The following CDK12 variants were observed in gnomAD, a reference collection of about 807,000 sequenced individuals.
CDK12 encodes the protein cyclin dependent kinase 12, also known as cyclin-dependent kinase 12.
Under a neutral mutation model 133.8 loss-of-function variants are expected in CDK12, and 17 were observed. The ratio of observed to expected loss-of-function variants is 0.13; its 90% confidence interval spans 0.09 to 0.19. CDK12 has a LOEUF of 0.19. Among genes scored for constraint, CDK12 ranks in the 10% least tolerant of loss-of-function variants. CDK12 has a pLI of 1.00. For synonymous variants in CDK12, 694 were observed against 683.6 expected (o/e 1.02, Z -0.24); for missense variants, 1,508 against 1,818.7 (o/e 0.83, Z 3.11).
At chr17:39,505,430 C>A (rs1316553957) in intron 6 of CDK12, among the ~76,000 whole-genome samples, 21 of 143,042 alleles carry the variant, frequency 1.5e-4, no homozygotes, top group Non-Finnish European at 2.7e-4. Context: ...GAGGTTGAGG[C>A]AGGAGAATCA....
intron 2 of CDK12, among the ~76,000 whole-genome samples, chr17:39,473,184 TCA>T (rs2049932116): frequency 6.6e-6 from 1 of 152,050 alleles, no homozygotes; most frequent in Admixed American, 6.6e-5. Flanking sequence ...TCAAAATAAC[TCA>T]CAAAATGTCT....
At chr17:39,492,246 G>C (rs983572277) in intron 3 of CDK12, among the ~76,000 whole-genome samples, 7 of 150,588 alleles carry the variant, frequency 4.6e-5, no homozygotes, top group African/African-American at 1.7e-4. Flanking sequence ...ACAGGCGCCT[G>C]CCACCACGCC....
At chr17:39,486,375 C>T (rs1262813324) in intron 2 of CDK12, among the ~76,000 whole-genome samples, 1 of 150,380 alleles carries the variant, frequency 6.6e-6, no homozygotes, top group African/African-American at 2.4e-5. Flanking sequence ...AAGTGATCCT[C>T]TCGCTTCAGC....
At chr17:39,524,573 A>T in intron 11 of CDK12, 101 bp from the exon 12 acceptor site, 1 of 1,030,132 alleles carries the variant, frequency 9.7e-7, no homozygotes, top group East Asian at 2.4e-5. Context: ...TATTCTTTAC[A>T]TTTCCCACAG....
chr17:39,486,253 CT>C (rs35710234), intron 2 of CDK12, among the ~76,000 whole-genome samples: 51,848 of 86,516 alleles, frequency 0.6, 14,692 homozygotes, highest in South Asian at 0.76. Context: ...CACCCTGCCT[CT>C]TTTTTTTTTT....
Position 39,462,331 on chromosome 17 carries a change from T to A in CDK12, c.260T>A (p.Met87Lys), listed in dbSNP as rs145123537. ...SSDSDTFSDD[M>K]AFKLDRREND... ...GATTCCGACACCTTCTCCGATGACA[T>A]GGCCTTCAAACTAGACCGAAGGGAG... The change falls in exon 1 of 14, where the codon ATG (methionine) becomes AAG (lysine). Residue 87 changes from methionine (M) to lysine (K), a missense_variant. Physicochemically the swap from Met to Lys is moderately conservative, Grantham distance 95. Around this residue, in one of 9 missense-constraint regions of CDK12, gnomAD observed 460 missense variants for 490.8 expected, o/e 0.94. Coordinates refer to ENST00000447079, the MANE Select transcript of CDK12 (RefSeq NM_016507.4). The A allele has an allele frequency of 6.2e-7, 1 of 1,614,180 alleles. No individual in the cohort carries two copies. Among genetic ancestry groups the A allele is most frequent in the Admixed American group, 1.7e-5 (1 of 60,012 alleles).
intron 12 of CDK12, among the ~76,000 whole-genome samples, chr17:39,525,346 G>C (rs2054432362): frequency 6.6e-6 from 1 of 152,150 alleles, no homozygotes; most frequent in African/African-American, 2.4e-5. Flanking sequence ...ATATTGAACT[G>C]TTATAACAAA....
intron 4 of CDK12, among the ~76,000 whole-genome samples, chr17:39,493,566 C>T (rs762835764): frequency 1.3e-5 from 2 of 152,006 alleles, no homozygotes; most frequent in Admixed American, 6.6e-5. Flanking sequence ...CCTGAAATAG[C>T]CACCCACCTC....
downstream of CDK12, among the ~76,000 whole-genome samples, chr17:39,536,035 AG>A (rs749130493): frequency 1.2e-4 from 18 of 152,108 alleles, no homozygotes; most frequent in Non-Finnish European, 1.8e-4. Flanking sequence ...TCTTATCTGT[AG>A]GAACACCTCC....
chr17:39,504,201 G>C (rs900550405), intron 6 of CDK12, among the ~76,000 whole-genome samples: 3 of 152,130 alleles, frequency 2.0e-5, no homozygotes, highest in African/African-American at 7.2e-5. Context: ...GGAGTAACAG[G>C]CAAATCTCTT....
chr17:39,540,028 C>T (rs770612201), intron 1 of CDK12, among the ~76,000 whole-genome samples: 1 of 152,188 alleles, frequency 6.6e-6, no homozygotes, highest in Non-Finnish European at 1.5e-5. Flanking sequence ...ATGAAAATCA[C>T]ATTGAGGACT....
intron 6 of CDK12, among the ~76,000 whole-genome samples, chr17:39,504,101 T>C (rs2052926070): frequency 6.6e-6 from 1 of 152,108 alleles, no homozygotes; most frequent in Non-Finnish European, 1.5e-5. Flanking sequence ...TTAGAGAAAG[T>C]AAGATAACTC....
chr17:39,461,731 G>C lies in CDK12; in HGVS notation c.-341G>C. 2.8e-6 allele frequency: 1 copy of C among 360,324 alleles called. No individual in the cohort carries two copies. The highest frequency in any genetic ancestry group is 5.1e-6 in the Non-Finnish European group (1 of 195,328). 22.3% of individuals were successfully genotyped at this position (360,324 alleles called of 1,614,324 possible). ...GAGCTGGAGTCGGCTCCACAGCCCC[G>C]GGCCGTCGGCTTCTCACTTCCTGGA... On this transcript the variant is annotated 5_prime_UTR_variant, in exon 1 of 14. Coordinates refer to ENST00000447079, the MANE Select transcript of CDK12 (RefSeq NM_016507.4).
chr17:39,502,644 T>C lies in CDK12; in HGVS notation c.2609+1205T>C, dbSNP rs2052805530. On this transcript the variant is annotated intron_variant, in intron 6 of 13. Coordinates refer to ENST00000447079, the MANE Select transcript of CDK12 (RefSeq NM_016507.4). ...ACTTTTGCAGGAGAAATAAATAAAT[T>C]ACTCAATTCAGTAAACATTTATTAA... Among the ~76,000 whole-genome samples the C allele has an allele frequency of 1.3e-5, 2 of 152,290 alleles. 1 individual carries two copies. The highest frequency in any genetic ancestry group is 6.8e-3 in the Middle Eastern group (2 of 294).
chr17:39,513,164 G>T (rs2053596241), intron 8 of CDK12, among the ~76,000 whole-genome samples: 1 of 152,156 alleles, frequency 6.6e-6, no homozygotes, highest in African/African-American at 2.4e-5. Context: ...CAGTTTGTGT[G>T]TTGGGGCATG....
In CDK12 at chr17:39,471,670, T is replaced by G. The variant is rs1320033079; in HGVS notation, c.1838T>G (p.Val613Gly). 5 of 1,613,960 alleles carry G rather than the reference T, an allele frequency of 3.1e-6. No individual in the cohort carries two copies. Among genetic ancestry groups the G allele is most frequent in the East Asian group, 4.5e-5 (2 of 44,896 alleles). The part of the protein sequence containing the change: ...PPVQVSVKTQ[V>G]SVTAAIPHLK... Reference sequence around the variant, plus strand: ...GTACAGGTTTCTGTGAAGACTCAAGTATCTGTAACAGCTGCTATTCCACAC... The same window carrying G: ...GTACAGGTTTCTGTGAAGACTCAAGGATCTGTAACAGCTGCTATTCCACAC... The change falls in exon 2 of 14, where the codon GTA (valine) becomes GGA (glycine). Residue 613 changes from valine (V) to glycine (G), a missense_variant. By Grantham distance (109) the Val-to-Gly change is moderately radical (BLOSUM62 -3). Transcript: ENST00000447079.
At chr17:39,492,386 G>A (rs576009937) in intron 3 of CDK12, among the ~76,000 whole-genome samples, 11 of 145,560 alleles carry the variant, frequency 7.6e-5, no homozygotes, top group South Asian at 2.2e-4. Flanking sequence ...ATGAGCCACC[G>A]AGCCCGGCCA....
At chr17:39,526,731 GA>G (rs2054519078) in intron 13 of CDK12, among the ~76,000 whole-genome samples, 1 of 152,164 alleles carries the variant, frequency 6.6e-6, no homozygotes, top group Non-Finnish European at 1.5e-5. Flanking sequence ...AGTGGATGCT[GA>G]ATGCCAGTCT....
chr17:39,489,435 C>T (rs1266647566), intron 2 of CDK12, among the ~76,000 whole-genome samples: 1 of 151,488 alleles, frequency 6.6e-6, no homozygotes, highest in Non-Finnish European at 1.5e-5. Flanking sequence ...CAACTCTTGA[C>T]CTCAAGTGAT....
Sources: gnomAD v4.1 joint callset for allele counts (sites outside exome capture counted in the v4.1 genomes callset) on GRCh38, gnomAD v4.1.1 for gene constraint, gnomAD v4.1.1 regional missense constraint, MANE v1.5 for transcripts, NCBI Gene and HGNC (gene_info 2026-07-23, HGNC 2026-07-21) for gene names.